Variants in DENND4C observed in about 807,000 individuals in gnomAD.
DENND4C encodes the protein DENN domain-containing protein 4C.
Under a neutral mutation model 203.0 loss-of-function variants are expected in DENND4C, and 108 were observed. The observed-to-expected ratio is 0.53, with a 90% CI of 0.46 to 0.62. The LOEUF (loss-of-function observed/expected upper bound fraction) is 0.62. Among genes scored for constraint, DENND4C ranks in the 20% least tolerant of loss-of-function variants. The probability of loss-of-function intolerance (pLI) is 0.00; values close to 1 mark genes in which losing one functional copy is unlikely to be tolerated. For missense variants in DENND4C, 2,481 were observed against 2,301.2 expected (o/e 1.08, Z -1.60); for synonymous variants, 871 against 792.4 (o/e 1.10, Z -1.67).
intron 26 of DENND4C, among the ~76,000 whole-genome samples, chr9:19,355,998 A>G (rs1002086135): frequency 2.0e-5 from 3 of 151,808 alleles, no homozygotes; most frequent in African/African-American, 7.3e-5. Context: ...TTTATTTTAT[A>G]TTTTTCAAAT....
chr9:19,261,192 G>T lies in DENND4C; in HGVS notation c.-17-14966G>T, dbSNP rs115968644. Among the ~76,000 whole-genome samples, 1,100 of 151,820 alleles carry T rather than the reference G, an allele frequency of 7.2e-3. 15 individuals are homozygous for T. Among genetic ancestry groups the T allele is most frequent in the African/African-American group, 0.026 (1,063 of 41,392 alleles). ...TTGTAGATGTATGGATTTATTTCTG[G>T]GTTCTCTATTGTGTTCCATTGGTCT... On this transcript the variant is annotated intron_variant, in intron 1 of 32. Coordinates refer to ENST00000434457, the MANE Select transcript of DENND4C (RefSeq NM_001330640.2).
intron 1 of DENND4C, among the ~76,000 whole-genome samples, chr9:19,267,094 T>G (rs1445669145): frequency 1.3e-5 from 2 of 152,354 alleles, no homozygotes; most frequent in East Asian, 3.9e-4. Flanking sequence ...CTGCAGCCGT[T>G]AGATGAAATG....
At chr9:19,257,679 T>G (rs1296303848) in intron 1 of DENND4C, among the ~76,000 whole-genome samples, 2 of 152,176 alleles carry the variant, frequency 1.3e-5, no homozygotes, top group South Asian at 2.1e-4. Flanking sequence ...AGATACAAAT[T>G]ACTGATATCA....
In DENND4C at chr9:19,352,176, A is replaced by G. The variant is rs1185088356; in HGVS notation, c.4599A>G (p.Ala1533=). ...TSMSSIYQNC[A]MEVLMSSCSQ... ...TGTCTAGCATCTATCAGAATTGTGC[A>G]ATGGAGGTAAAAGTTCTATATTCAG... The change falls in exon 25 of 33, where the codon GCA becomes GCG. Residue 1533 remains alanine, a synonymous_variant. Transcript: ENST00000434457. 6.2e-7 allele frequency: 1 copy of G among 1,612,830 alleles called. No individual in the cohort carries two copies. The highest frequency in any genetic ancestry group is 1.1e-5 in the South Asian group (1 of 90,974).
intron 2 of DENND4C, among the ~76,000 whole-genome samples, chr9:19,281,401 T>C (rs944101770): frequency 1.3e-5 from 2 of 152,174 alleles, no homozygotes; most frequent in African/African-American, 4.8e-5. Context: ...CCCCCACTCT[T>C]TCCTCACTCT....
chr9:19,245,770 C>T (rs372696134), intron 1 of DENND4C, among the ~76,000 whole-genome samples: 3 of 151,408 alleles, frequency 2.0e-5, no homozygotes, highest in South Asian at 2.1e-4. Context: ...GCGGGAGAAT[C>T]GCTTGAACCC....
intron 13 of DENND4C, among the ~76,000 whole-genome samples, chr9:19,324,980 A>G (rs1381300862): frequency 6.6e-6 from 1 of 152,068 alleles, no homozygotes; most frequent in African/African-American, 2.4e-5. Flanking sequence ...GGCCTCCCAA[A>G]TCCTTGGGAT....
intron 16 of DENND4C, among the ~76,000 whole-genome samples, chr9:19,328,657 G>GTCTGTCTGTCTGTCTGTCTA (rs1456677474): frequency 2.5e-5 from 3 of 119,306 alleles, no homozygotes; most frequent in African/African-American, 1.1e-4. Flanking sequence ...CTGTCTGTCT[G>GTCTGTCTGTCTGTCTGTCTA]TCTATCTATC....
chr9:19,334,769 A>C (rs1428405347), intron 17 of DENND4C, among the ~76,000 whole-genome samples: 2 of 152,046 alleles, frequency 1.3e-5, no homozygotes, highest in East Asian at 3.9e-4. Flanking sequence ...CAGGTGATCC[A>C]CCCGTCTCAG....
At chr9:19,351,761 T>C (rs981108013) in intron 24 of DENND4C, among the ~76,000 whole-genome samples, 19 of 150,432 alleles carry the variant, frequency 1.3e-4, no homozygotes, top group African/African-American at 4.5e-4. Context: ...GAGCCGAGAT[T>C]GTACCACTGC....
intron 30 of DENND4C, among the ~76,000 whole-genome samples, chr9:19,364,815 G>A (rs190123409): frequency 2.0e-5 from 3 of 152,090 alleles, no homozygotes; most frequent in Non-Finnish European, 4.4e-5. Context: ...GAATCAGGGA[G>A]GCCTGGGAGG....
chr9:19,276,957 G>A (rs903205157), intron 2 of DENND4C, among the ~76,000 whole-genome samples: 6 of 151,834 alleles, frequency 4.0e-5, no homozygotes, highest in Admixed American at 1.3e-4. Context: ...TTACAGATAA[G>A]TGCTACAGTT....
intron 20 of DENND4C, among the ~76,000 whole-genome samples, chr9:19,339,103 C>G (rs778652930): frequency 2.7e-4 from 41 of 152,112 alleles, no homozygotes; most frequent in Non-Finnish European, 5.1e-4. Context: ...TGCCACATTT[C>G]CTTTATTATT....
At chr9:19,319,774 T>A (rs764864694) in intron 12 of DENND4C, among the ~76,000 whole-genome samples, 6 of 152,094 alleles carry the variant, frequency 3.9e-5, no homozygotes, top group Non-Finnish European at 5.9e-5. Flanking sequence ...ATACTAACTA[T>A]CTTAATAAGT....
chr9:19,346,924 C>G lies in DENND4C; in HGVS notation c.4155C>G (p.Gly1385=). 1.2e-6 allele frequency: 2 copies of G among 1,614,200 alleles called. No individual in the cohort carries two copies. The highest frequency in any genetic ancestry group is 1.7e-6 in the Non-Finnish European group (2 of 1,180,038). Residue 1385 remains glycine (G), a synonymous_variant, in exon 23 of 33, where the codon GGC becomes GGG. Coordinates refer to ENST00000434457, the MANE Select transcript of DENND4C (RefSeq NM_001330640.2). ...CACTGGTGCGTTCTTCGCCACATGG[C>G]TCGTTGGGTTCTGTAGTAAATTCTT... The part of the protein sequence containing the change: ...LSALVRSSPH[G]SLGSVVNSLS...
intron 1 of DENND4C, among the ~76,000 whole-genome samples, chr9:19,248,210 C>G (rs1273956349): frequency 6.6e-6 from 1 of 152,122 alleles, no homozygotes. Context: ...CTTCACTGAC[C>G]TCATCTCCTA....
intron 1 of DENND4C, among the ~76,000 whole-genome samples, chr9:19,251,858 T>C (rs1211627935): frequency 6.6e-6 from 1 of 152,182 alleles, no homozygotes; most frequent in East Asian, 1.9e-4. Flanking sequence ...CATATCACGA[T>C]CAGCATTTTG....
chr9:19,361,836 T>C lies in DENND4C; in HGVS notation c.5407-10T>C, dbSNP rs763815137. On this transcript the variant is annotated splice_polypyrimidine_tract_variant and intron_variant, in intron 29 of 32. Transcript: ENST00000434457. ...TCGGGATACTAATACTTTCTTTTGATTTCTTTTAGCTTCCTCTGTCATCTC... is the reference window on the plus strand; with the variant it reads ...TCGGGATACTAATACTTTCTTTTGACTTCTTTTAGCTTCCTCTGTCATCTC... 1 of 1,517,520 alleles carries C rather than the reference T, an allele frequency of 6.6e-7. No individual in the cohort carries two copies. Among genetic ancestry groups the C allele is most frequent in the South Asian group, 1.1e-5 (1 of 88,778 alleles). 94.0% of individuals were successfully genotyped at this position (1,517,520 alleles called of 1,614,324 possible).
chr9:19,347,239 G>C (rs1823120478), intron 23 of DENND4C, among the ~76,000 whole-genome samples, 153 bp downstream of exon 23: 1 of 152,152 alleles, frequency 6.6e-6, no homozygotes, highest in African/African-American at 2.4e-5. Context: ...TCCCGGCTTT[G>C]AGCGATTCTC....
Sources: allele counts gnomAD v4.1 joint callset (sites outside exome capture counted in the v4.1 genomes callset), GRCh38; gene constraint gnomAD v4.1.1; transcripts MANE v1.5; gene names NCBI Gene and HGNC (gene_info 2026-07-23, HGNC 2026-07-21).